The following SLC44A2 variants were observed in gnomAD, a reference collection of about 807,000 sequenced individuals.
SLC44A2 encodes the protein choline transporter-like protein 2.
In SLC44A2, 57 loss-of-function variants were observed where a neutral mutation model predicts 90.8. The observed-to-expected ratio is 0.63, with a 90% confidence interval of 0.51 to 0.78. The LOEUF is 0.78. Ranked by LOEUF, SLC44A2 falls within the 30% of genes least tolerant of loss-of-function variation. The pLI is 0.00. For missense variants in SLC44A2, 794 were observed against 919.7 expected, an observed-to-expected ratio of 0.86 and a Z score of 1.77; for synonymous variants, 355 against 360.7, an observed-to-expected ratio of 0.98 and a Z score of 0.18.
upstream of SLC44A2, among the ~76,000 whole-genome samples, chr19:10,624,718 G>A (rs904194658): frequency 6.6e-6 from 1 of 152,250 alleles, no homozygotes; most frequent in African/African-American, 2.4e-5. Flanking sequence ...TGCAGAAGGA[G>A]CATTTGAATT....
intron 4 of SLC44A2, among the ~76,000 whole-genome samples, chr19:10,629,353 C>T (rs1416494054): frequency 6.6e-6 from 1 of 151,288 alleles, no homozygotes. Flanking sequence ...TCTCAGCCCA[C>T]TGCAACCTCC....
At chr19:10,641,608 T>C (rs1031134831) in intron 20 of SLC44A2, among the ~76,000 whole-genome samples, 2 of 152,000 alleles carry the variant, frequency 1.3e-5, no homozygotes, top group African/African-American at 4.8e-5. Context: ...GTCCCAGCAC[T>C]TGGGGAGGCC....
At chr19:10,639,030 C>T (rs184901450) in intron 20 of SLC44A2, among the ~76,000 whole-genome samples, 44 of 151,976 alleles carry the variant, frequency 2.9e-4, no homozygotes, top group Admixed American at 1.8e-3. Flanking sequence ...AACTCCCGAC[C>T]TCAGGTGATC....
chr19:10,602,650 C>T lies in SLC44A2; in HGVS notation c.31+89C>T, dbSNP rs888865021. On this transcript the variant is annotated intron_variant, in intron 1 of 21. Coordinates refer to the SLC44A2 transcript ENST00000407327. The stretch of plus-strand genomic sequence containing the variant: ...GGGGGACATCTGAGACCCTAGGCAC[C>T]GGCGCTGCGGCTGGATGGCCCTCCG... The T allele has an allele frequency of 9.5e-6, 11 of 1,160,210 alleles. No homozygotes were observed. The Admixed American group carries it at 3.5e-4, about 37-fold the overall frequency. The allele number at this position is 1,160,210 out of a possible 1,614,324, so 71.9% of individuals were successfully genotyped here.
At chr19:10,607,037 G>A (rs554546109) in intron 1 of SLC44A2, among the ~76,000 whole-genome samples, 3 of 147,722 alleles carry the variant, frequency 2.0e-5, no homozygotes, top group South Asian at 4.3e-4. Context: ...TCAGCCTCCC[G>A]AGTAGCTGGG....
chr19:10,623,308 G>A (rs1404675021), upstream of SLC44A2, among the ~76,000 whole-genome samples: 5 of 152,002 alleles, frequency 3.3e-5, no homozygotes, highest in African/African-American at 7.3e-5. Context: ...AGGAGAGGGC[G>A]CCTTTTTAAG....
intron 1 of SLC44A2, among the ~76,000 whole-genome samples, chr19:10,620,333 T>C (rs1024694067): frequency 6.6e-6 from 1 of 151,918 alleles, no homozygotes; most frequent in Admixed American, 6.6e-5. Flanking sequence ...ATACAAAAAT[T>C]AGCCTGGCAT....
chr19:10,634,861 A>G lies in SLC44A2; in HGVS notation c.929A>G (p.His310Arg), dbSNP rs529075008. 2 of 1,614,148 alleles carry G rather than the reference A, an allele frequency of 1.2e-6. No homozygotes were observed. Among genetic ancestry groups the G allele is most frequent in the African/African-American group, 2.7e-5 (2 of 75,030 alleles). Residue 310 changes from histidine to arginine, a missense_variant, in exon 11 of 22, where the codon CAC (histidine) becomes CGC (arginine). His to Arg is a conservative substitution (Grantham distance 29). Coordinates refer to ENST00000335757, the MANE Select transcript of SLC44A2 (RefSeq NM_020428.4). ...GFQTDFRVYL[H>R]LRQTWLAFMI... ...CAGACGGATTTCCGGGTGTACCTGC[A>G]CTTACGGCAGACCTGGTTGGCCTTT... is the stretch of plus-strand genomic sequence containing the variant.
chr19:10,608,191 C>A (rs1374085045), intron 1 of SLC44A2, among the ~76,000 whole-genome samples: 2 of 151,366 alleles, frequency 1.3e-5, no homozygotes, highest in East Asian at 2.0e-4. Context: ...CCACTGCACT[C>A]CAGCCTGGGC....
chr19:10,634,746 C>T lies in SLC44A2; in HGVS notation c.824-10C>T. 1 of 1,614,088 alleles carries T rather than the reference C, an allele frequency of 6.2e-7. No homozygotes were observed. Among genetic ancestry groups the T allele is most frequent in the Non-Finnish European group, 8.5e-7 (1 of 1,180,016 alleles). The stretch of plus-strand genomic sequence containing the variant: ...CACTGCTGGACTGAGCTTGTGGTTC[C>T]CCCATGCAGGAATATTTCACTGCTA... On this transcript the variant is annotated splice_polypyrimidine_tract_variant and intron_variant, in intron 10 of 21. Transcript: ENST00000335757.
intron 20 of SLC44A2, 106 bp downstream of exon 20, chr19:10,638,421 T>C (rs1385287051): frequency 9.3e-6 from 10 of 1,076,344 alleles, no homozygotes; most frequent in African/African-American, 7.8e-5. Context: ...AGGTGGGGAA[T>C]TGATTATTTA....
At chr19:10,641,038 G>T in intron 20 of SLC44A2, 1 of 416,934 alleles carries the variant, frequency 2.4e-6, no homozygotes. Context: ...ACTGAGCCAA[G>T]GTCCCACCAC....
chr19:10,604,992 G>C (rs1473896565), intron 1 of SLC44A2, among the ~76,000 whole-genome samples: 4 of 152,160 alleles, frequency 2.6e-5, no homozygotes, highest in African/African-American at 7.2e-5. Context: ...CCCTTGGCAA[G>C]AGCAGTGCAG....
At chr19:10,635,707 G>T (rs2067047196) in intron 14 of SLC44A2, 192 bp downstream of exon 14, 2 of 552,724 alleles carry the variant, frequency 3.6e-6, no homozygotes, top group South Asian at 2.4e-5. Flanking sequence ...GGGCAAGCTG[G>T]CTTCCTCTCT....
intron 10 of SLC44A2, among the ~76,000 whole-genome samples, chr19:10,632,492 C>T (rs1443977987): frequency 8.8e-5 from 13 of 148,152 alleles, no homozygotes; most frequent in African/African-American, 3.0e-4. Context: ...GCCGAAATCA[C>T]GCCATTGCAC....
Position 10,634,750 on chromosome 19 carries a change from A to G in SLC44A2, c.824-6A>G, listed in dbSNP as rs774059701. The G allele has an allele frequency of 1.9e-6, 3 of 1,614,064 alleles. No individual in the cohort carries two copies. Among genetic ancestry groups the G allele is most frequent in the African/African-American group, 1.3e-5 (1 of 74,928 alleles). On this transcript the variant is annotated splice_polypyrimidine_tract_variant and splice_region_variant and intron_variant, in intron 10 of 21. Coordinates refer to ENST00000335757, the MANE Select transcript of SLC44A2 (RefSeq NM_020428.4). ...GCTGGACTGAGCTTGTGGTTCCCCC[A>G]TGCAGGAATATTTCACTGCTACATG...
chr19:10,626,508 G>T (rs2066935589), intron 2 of SLC44A2, among the ~76,000 whole-genome samples: 1 of 151,610 alleles, frequency 6.6e-6, no homozygotes, highest in South Asian at 2.1e-4. Context: ...TCGCCTCCCG[G>T]GTTCGAGCAA....
intron 16 of SLC44A2, chr19:10,637,283 T>C (rs1296387795): frequency 4.1e-5 from 10 of 242,342 alleles, no homozygotes; most frequent in Non-Finnish European, 5.7e-5. Flanking sequence ...ACTCCGGAGG[T>C]TGAGGTTTCA....
chr19:10,615,481 C>A (rs2066847960), intron 1 of SLC44A2, among the ~76,000 whole-genome samples: 1 of 151,026 alleles, frequency 6.6e-6, no homozygotes, highest in Non-Finnish European at 1.5e-5. Flanking sequence ...GGCTGAGGCA[C>A]AAGAGTCGCT....
Sources: gnomAD v4.1 joint callset for allele counts (sites outside exome capture counted in the v4.1 genomes callset) on GRCh38, gnomAD v4.1.1 for gene constraint, MANE v1.5 for transcripts, NCBI Gene and HGNC (gene_info 2026-07-23, HGNC 2026-07-21) for gene names.